Variants in DLEC1 observed in about 807,000 individuals in gnomAD.
The protein encoded by DLEC1 is DLEC1 cilia and flagella associated protein.
A neutral mutation model predicts 198.1 loss-of-function variants in DLEC1; 146 were observed. The observed-to-expected ratio is 0.74, with a 90% CI of 0.64 to 0.85. The LOEUF (loss-of-function observed/expected upper bound fraction) is 0.85. Ranked by LOEUF, DLEC1 falls within the 40% of genes least tolerant of loss-of-function variation. DLEC1 has a pLI of 0.00. For synonymous variants in DLEC1, 897 were observed against 866.8 expected (o/e 1.03, Z -0.61); for missense variants, 2,233 against 2,220.0 (o/e 1.01, Z -0.12).
At chr3:38,104,257 G>A (rs1342064571) in intron 19 of DLEC1, among the ~76,000 whole-genome samples, 1 of 152,128 alleles carries the variant, frequency 6.6e-6, no homozygotes, top group East Asian at 1.9e-4. Flanking sequence ...AGGAGTACGA[G>A]ACCAGGCTAG....
intron 12 of DLEC1, 35 bp downstream of exon 12, chr3:38,093,802 CCTT>C (rs1395734611): frequency 3.7e-6 from 6 of 1,608,128 alleles, no homozygotes; most frequent in Middle Eastern, 3.9e-4. Context: ...AATACCCAAC[CCTT>C]CTTCTTGCTT....
rs139720262 is a variant in DLEC1, at chr3:38,122,342, A to T, written c.5198A>T (p.Lys1733Met). 6.2e-7 allele frequency: 1 copy of T among 1,614,084 alleles called. No individual in the cohort carries two copies. The highest frequency in any genetic ancestry group is 2.2e-5 in the East Asian group (1 of 44,886). ...TMVVEGVLGE[K>M]SCTLRLRGQG... is the part of the protein sequence containing the mutation. ...GTGGTGGAAGGTGTGCTCGGTGAGA[A>T]GTCCTGCACCCTGCGGCTCCGGGGC... The change falls in exon 37 of 37, where the codon AAG becomes ATG. Residue 1733 changes from lysine (K) to methionine (M), a missense_variant. Lys to Met is a moderately conservative substitution (Grantham distance 95). Coordinates refer to ENST00000308059, the MANE Select transcript of DLEC1 (RefSeq NM_007335.4).
At chr3:38,080,407 C>G (rs544756078) in intron 6 of DLEC1, among the ~76,000 whole-genome samples, 2 of 151,698 alleles carry the variant, frequency 1.3e-5, no homozygotes, top group African/African-American at 4.9e-5. Context: ...AGGGGACAGG[C>G]GGGAGGGAAA....
chr3:38,096,707 C>CA lies in DLEC1; in HGVS notation c.2311dup (p.Ile771AsnfsTer10). On this transcript the variant is annotated frameshift_variant, in exon 15 of 37. Coordinates refer to ENST00000308059, the MANE Select transcript of DLEC1 (RefSeq NM_007335.4). LOFTEE classifies it high-confidence loss of function. ...CCCTCATCATCCCAGGGGAGAACTA[C>CA]ATTGGGATAAATGTGAAGAAGGCTT... 6.2e-7 allele frequency: 1 copy of CA among 1,611,818 alleles called. No homozygotes were observed. The highest frequency in any genetic ancestry group is 1.3e-5 in the African/African-American group (1 of 74,910).
chr3:38,096,787 T>A (rs745952665), intron 15 of DLEC1, 50 bp downstream of exon 15: 3 of 1,544,912 alleles, frequency 1.9e-6, no homozygotes, highest in African/African-American at 1.4e-5. Flanking sequence ...AGTGTTGACA[T>A]GAGTGCAAGT....
chr3:38,063,025 G>C (rs1017226302), intron 5 of DLEC1, among the ~76,000 whole-genome samples: 1 of 152,092 alleles, frequency 6.6e-6, no homozygotes, highest in Non-Finnish European at 1.5e-5. Flanking sequence ...TGAGAAATAG[G>C]GGTTGGTGTT....
chr3:38,074,282 A>G (rs573891424), intron 6 of DLEC1, among the ~76,000 whole-genome samples: 11 of 152,216 alleles, frequency 7.2e-5, no homozygotes, highest in Admixed American at 6.5e-4. Flanking sequence ...CTTCCTCTCT[A>G]TTATTGTACA....
chr3:38,109,252 A>G (rs976830015), intron 21 of DLEC1, among the ~76,000 whole-genome samples, 180 bp from the exon 22 acceptor site: 2 of 152,216 alleles, frequency 1.3e-5, no homozygotes, highest in African/African-American at 4.8e-5. Flanking sequence ...AGGCCTGAGG[A>G]AAGGGCCAGG....
chr3:38,085,765 G>T (rs1292048934), intron 8 of DLEC1, among the ~76,000 whole-genome samples: 1 of 152,180 alleles, frequency 6.6e-6, no homozygotes, highest in Non-Finnish European at 1.5e-5. Context: ...CAGTGGGCAA[G>T]GAAGAAGTGC....
rs1293183298 is a variant in DLEC1, at chr3:38,093,636, C to T, written c.1788C>T (p.Ile596=). Residue 596 remains isoleucine, a synonymous_variant, in exon 12 of 37, where the codon ATC becomes ATT. Coordinates refer to ENST00000308059, the MANE Select transcript of DLEC1 (RefSeq NM_007335.4). Reference sequence around the variant, plus strand: ...GGCAGCTGATTGCTTTGGATCTGATCTATATTTCTGGTGAAAAAAGCCAGC... The same window carrying T: ...GGCAGCTGATTGCTTTGGATCTGATTTATATTTCTGGTGAAAAAAGCCAGC... ...GIGQLIALDL[I]YISGEKSQPD... is the part of the protein sequence containing the mutation. The T allele has an allele frequency of 6.2e-7, 1 of 1,614,202 alleles. No homozygotes were observed. The highest frequency in any genetic ancestry group is 8.5e-7 in the Non-Finnish European group (1 of 1,180,046).
rs76834284 is a variant in DLEC1 at position 38,059,874 on chromosome 3, G to T, written c.673+22G>T. 4,168 of 1,606,900 alleles carry T rather than the reference G, an allele frequency of 2.6e-3. 73 individuals are homozygous for T. In the African/African-American group the frequency reaches 0.044, roughly 17 times the overall value. On this transcript the variant is annotated intron_variant, in intron 3 of 36. Coordinates refer to ENST00000308059, the MANE Select transcript of DLEC1 (RefSeq NM_007335.4). ...AAAGGTAATGCTTCTGTGCTCTCAA[G>T]GCCTCTGATACCATTTGGGGGAAGT...
At chr3:38,071,329 A>G (rs754364653) in intron 6 of DLEC1, among the ~76,000 whole-genome samples, 25 of 152,254 alleles carry the variant, frequency 1.6e-4, no homozygotes, top group Admixed American at 5.9e-4. Flanking sequence ...GTTCAGCGCA[A>G]TTACTTGCTT....
rs1479872267 is a variant in DLEC1, at chr3:38,066,362, C to A, written c.1173+2443C>A. On this transcript the variant is annotated intron_variant, in intron 6 of 36. Coordinates refer to ENST00000308059, the MANE Select transcript of DLEC1 (RefSeq NM_007335.4). ...TTTAAAAAACAGAATAAAACTTTCC[C>A]TCTAACTTTGATTCCTGCCTCCTCC... Among the ~76,000 whole-genome samples the A allele has an allele frequency of 3.3e-5, 5 of 152,176 alleles. No individual in the cohort carries two copies. In the East Asian group the frequency reaches 9.6e-4, roughly 29 times the overall value.
At chr3:38,080,625 A>G (rs938615952) in intron 6 of DLEC1, among the ~76,000 whole-genome samples, 2 of 152,052 alleles carry the variant, frequency 1.3e-5, no homozygotes, top group African/African-American at 4.8e-5. Flanking sequence ...GGTGTTGCAG[A>G]AGAAAACAAG....
intron 18 of DLEC1, among the ~76,000 whole-genome samples, chr3:38,099,476 C>G (rs529029695): frequency 6.6e-6 from 1 of 152,230 alleles, no homozygotes; most frequent in Admixed American, 6.5e-5. Flanking sequence ...TTTGAGCTCT[C>G]AAAAATAATG....
In DLEC1 at chr3:38,064,784, G is replaced by A. The variant is rs560097637; in HGVS notation, c.1173+865G>A. ...GCTCCCCACATCCCAGACGATGGGC[G>A]GCCGGGCAGAGACGCTCCTCACTTC... On this transcript the variant is annotated intron_variant, in intron 6 of 36. Transcript: ENST00000308059. Among the ~76,000 whole-genome samples, 60 of 151,582 alleles carry A rather than the reference G, an allele frequency of 4.0e-4. 1 individual carries two copies. In the South Asian group the frequency reaches 0.011, roughly 29 times the overall value.
chr3:38,079,301 T>G (rs1697823079), intron 6 of DLEC1, among the ~76,000 whole-genome samples: 1 of 152,074 alleles, frequency 6.6e-6, no homozygotes, highest in Non-Finnish European at 1.5e-5. Context: ...TAAAAGAGTA[T>G]TGTCTAAGTT....
chr3:38,086,143 T>C, intron 8 of DLEC1, 98 bp from the exon 9 acceptor site: 1 of 1,487,864 alleles, frequency 6.7e-7, no homozygotes, highest in South Asian at 1.4e-5. Flanking sequence ...TGGGACCAGC[T>C]GTCCTGATCT....
chr3:38,101,740 T>A (rs992944283), intron 19 of DLEC1, among the ~76,000 whole-genome samples: 6 of 152,314 alleles, frequency 3.9e-5, no homozygotes, highest in Admixed American at 3.3e-4. Context: ...ATCTGACAGT[T>A]GTTCAAATGT....
Sources: allele counts gnomAD v4.1 joint callset (sites outside exome capture counted in the v4.1 genomes callset), GRCh38; gene constraint gnomAD v4.1.1; transcripts MANE v1.5; gene names NCBI Gene and HGNC (gene_info 2026-07-23, HGNC 2026-07-21).